KLF12: variants seen among roughly 807,000 people sequenced by gnomAD.
The protein encoded by KLF12 is KLF transcription factor 12.
A neutral mutation model predicts 37.8 loss-of-function variants in KLF12; 9 were observed. That is an observed-to-expected ratio of 0.24 (90% confidence interval 0.14 to 0.42). The LOEUF is 0.42. Ranked by LOEUF, KLF12 falls within the 10% of genes least tolerant of loss-of-function variation. The pLI, the probability that KLF12 is intolerant of heterozygous loss-of-function variation, is 1.00. For missense variants in KLF12, 411 were observed against 516.0 expected, an observed-to-expected ratio of 0.80 and a Z score of 1.97; for synonymous variants, 208 against 202.1, an observed-to-expected ratio of 1.03 and a Z score of -0.25.
chr13:73,695,616 T>G lies in KLF12; in HGVS notation c.1083A>C (p.Ser361=), dbSNP rs1363760360. 6.2e-7 allele frequency: 1 copy of G among 1,614,032 alleles called. No individual in the cohort carries two copies. The highest frequency in any genetic ancestry group is 1.3e-5 in the African/African-American group (1 of 74,924). The change falls in exon 8 of 8, where the codon TCA becomes TCC. Residue 361 remains serine, a synonymous_variant. Coordinates refer to ENST00000377669, the MANE Select transcript of KLF12 (RefSeq NM_007249.5). ...TGCGGTAATGCCTCGTCAGTTCATC[T>G]GAACGAGCGAACTTCCAGGTGCAGC...
At chr13:74,152,918 A>C in the KLF12 span, among the ~76,000 whole-genome samples, 33 of 148,812 alleles carry the variant, frequency 2.2e-4, no homozygotes, top group South Asian at 6.8e-3. Context: ...TAATAATAAT[A>C]ATAATAATAA....
the KLF12 span, among the ~76,000 whole-genome samples, chr13:74,233,669 T>C: frequency 6.6e-6 from 1 of 152,206 alleles, no homozygotes; most frequent in African/African-American, 2.4e-5. Flanking sequence ...AATGAAATAA[T>C]TTTAATCTCA....
the KLF12 span, among the ~76,000 whole-genome samples, chr13:74,267,599 A>T: frequency 6.6e-6 from 1 of 152,168 alleles, no homozygotes. Flanking sequence ...GGAAGGAGGG[A>T]TGAAGAGAGG....
At chr13:73,774,930 T>C (rs1880513167) in intron 5 of KLF12, among the ~76,000 whole-genome samples, 1 of 151,268 alleles carries the variant, frequency 6.6e-6, no homozygotes, top group African/African-American at 2.4e-5. Flanking sequence ...TTTTTTTTTT[T>C]TTTTTAAGAT....
At chr13:74,012,784 T>C (rs1208330975) in intron 1 of KLF12, among the ~76,000 whole-genome samples, 2 of 152,092 alleles carry the variant, frequency 1.3e-5, no homozygotes, top group African/African-American at 4.8e-5. Flanking sequence ...AGTACTTCAG[T>C]TCCTTTACAA....
At chr13:73,943,333 T>C (rs912790881) in intron 3 of KLF12, among the ~76,000 whole-genome samples, 1 of 152,234 alleles carries the variant, frequency 6.6e-6, no homozygotes, top group African/African-American at 2.4e-5. Context: ...CTTATGCTCT[T>C]AACTAAACCA....
At chr13:74,095,173 GACAAA>G (rs1180684032) in intron 1 of KLF12, among the ~76,000 whole-genome samples, 1 of 151,934 alleles carries the variant, frequency 6.6e-6, no homozygotes, top group Non-Finnish European at 1.5e-5. Flanking sequence ...CAAGTCTCCA[GACAAA>G]ACAAAGATCA....
chr13:73,882,649 C>T (rs374501769), intron 3 of KLF12, among the ~76,000 whole-genome samples: 5 of 151,974 alleles, frequency 3.3e-5, no homozygotes, highest in African/African-American at 9.7e-5. Flanking sequence ...TCATATGCCA[C>T]GATTAAACGG....
At chr13:74,022,916 C>T (rs538537663) in intron 1 of KLF12, among the ~76,000 whole-genome samples, 2 of 151,996 alleles carry the variant, frequency 1.3e-5, no homozygotes, top group African/African-American at 2.4e-5. Context: ...AAACTCTCTT[C>T]GACCTAACTC....
intron 1 of KLF12, among the ~76,000 whole-genome samples, chr13:74,048,042 C>T (rs1216522458): frequency 6.6e-6 from 1 of 152,186 alleles, no homozygotes; most frequent in African/African-American, 2.4e-5. Context: ...GTGGGACACA[C>T]CCAAATGGTT....
At chr13:73,853,715 G>T (rs2138743280) in intron 3 of KLF12, among the ~76,000 whole-genome samples, 1 of 148,734 alleles carries the variant, frequency 6.7e-6, no homozygotes, top group Middle Eastern at 3.4e-3. Flanking sequence ...CTCCAGCCTG[G>T]TCGACAGAGT....
At chr13:74,211,896 A>G in the KLF12 span, among the ~76,000 whole-genome samples, 1 of 152,208 alleles carries the variant, frequency 6.6e-6, no homozygotes, top group Non-Finnish European at 1.5e-5. Context: ...AAAACATAAA[A>G]TTGTGACCTC....
Position 74,133,798 on chromosome 13 carries a change from CTCTCTCTCCCTT to C in KLF12, c.-103_-92del, listed in dbSNP as rs1382146781. Reference sequence around the variant, plus strand: ...TCTTTCCCTCACACAGAGTCCCCCTCTCTCTCTCCCTTTCTCTCTCTCACACGCGCGCGCGCA... The same window carrying C: ...TCTTTCCCTCACACAGAGTCCCCCTCTCTCTCTCTCACACGCGCGCGCGCA... On this transcript the variant is annotated 5_prime_UTR_variant, in exon 1 of 8. Transcript: ENST00000377669. 1.4e-5 allele frequency among the ~76,000 whole-genome samples: 2 copies of C among 145,354 alleles called. No homozygotes were observed.
intron 1 of KLF12, among the ~76,000 whole-genome samples, chr13:74,004,055 A>C (rs1257623972): frequency 1.3e-5 from 2 of 152,264 alleles, no homozygotes; most frequent in East Asian, 3.9e-4. Context: ...AGAATAGGGA[A>C]TGTATTTTTA....
chr13:73,906,198 T>C (rs1378295658), intron 3 of KLF12, among the ~76,000 whole-genome samples: 1 of 152,244 alleles, frequency 6.6e-6, no homozygotes, highest in Non-Finnish European at 1.5e-5. Context: ...GATACTCTAA[T>C]ATTCATATTT....
intron 2 of KLF12, among the ~76,000 whole-genome samples, chr13:73,985,955 A>G (rs80062938): frequency 0.036 from 5,449 of 152,252 alleles, 210 homozygotes; most frequent in African/African-American, 0.093. Flanking sequence ...TATTAACTAA[A>G]CTTTAAATAC....
intron 3 of KLF12, among the ~76,000 whole-genome samples, chr13:73,865,107 G>C (rs1386458920): frequency 6.6e-6 from 1 of 152,226 alleles, no homozygotes; most frequent in East Asian, 1.9e-4. Context: ...AGGTCAACTT[G>C]ATTGCCTAAA....
chr13:73,964,763 C>T (rs1891128548), intron 2 of KLF12, among the ~76,000 whole-genome samples: 3 of 152,152 alleles, frequency 2.0e-5, no homozygotes, highest in Admixed American at 2.0e-4. Context: ...GGGAGGATCA[C>T]TTGAGCCCAA....
chr13:73,998,937 G>T (rs961981657), intron 1 of KLF12, among the ~76,000 whole-genome samples: 1 of 152,194 alleles, frequency 6.6e-6, no homozygotes, highest in African/African-American at 2.4e-5. Flanking sequence ...CTAGGTGACA[G>T]GTGACACCTA....
Sources: allele counts gnomAD v4.1 joint callset (sites outside exome capture counted in the v4.1 genomes callset), GRCh38; gene constraint gnomAD v4.1.1; transcripts MANE v1.5; gene names NCBI Gene and HGNC (gene_info 2026-07-23, HGNC 2026-07-21).